Variants in FRY observed in about 807,000 individuals in gnomAD.
The protein encoded by FRY is protein furry homolog.
FRY carries 128 observed loss-of-function variants against 348.4 expected under a neutral mutation model. The observed-to-expected ratio is 0.37, with a 90% CI of 0.32 to 0.43. The LOEUF (loss-of-function observed/expected upper bound fraction) is 0.43, where lower values mean the gene tolerates loss of function less well. Ranked by LOEUF, FRY falls within the 20% of genes least tolerant of loss-of-function variation. The pLI is 1.00. For missense variants in FRY, 2,736 were observed against 3,695.2 expected (o/e 0.74, Z 6.73); for synonymous variants, 1,370 against 1,374.7 (o/e 1.00, Z 0.08).
chr13:32,157,726 C>T (rs992418572), intron 16 of FRY, among the ~76,000 whole-genome samples: 1 of 152,186 alleles, frequency 6.6e-6, no homozygotes, highest in African/African-American at 2.4e-5. Context: ...AGTGACATCC[C>T]AAATTTACAG....
chr13:32,214,132 C>G (rs1378264912), intron 35 of FRY, among the ~76,000 whole-genome samples: 1 of 152,216 alleles, frequency 6.6e-6, no homozygotes, highest in African/African-American at 2.4e-5. Flanking sequence ...CATATAGCAC[C>G]TACACTATTT....
intron 31 of FRY, among the ~76,000 whole-genome samples, chr13:32,207,460 G>T (rs1429670100): frequency 6.6e-6 from 1 of 152,120 alleles, no homozygotes; most frequent in Non-Finnish European, 1.5e-5. Flanking sequence ...TTTCTTAGGG[G>T]CAGGAACTGC....
intron 14 of FRY, among the ~76,000 whole-genome samples, chr13:32,151,418 A>G (rs1196914811): frequency 6.6e-6 from 1 of 152,278 alleles, no homozygotes; most frequent in African/African-American, 2.4e-5. Context: ...GCCCAAAGGC[A>G]TACCCATAAC....
At chr13:32,081,976 A>G (rs1358989679) in intron 2 of FRY, among the ~76,000 whole-genome samples, 4 of 152,220 alleles carry the variant, frequency 2.6e-5, no homozygotes, top group East Asian at 3.8e-4. Flanking sequence ...AAATCACAAA[A>G]TTGTATTCTA....
At chr13:32,188,821 A>G (rs1235482267) in intron 28 of FRY, among the ~76,000 whole-genome samples, 1 of 152,090 alleles carries the variant, frequency 6.6e-6, no homozygotes, top group Non-Finnish European at 1.5e-5. Flanking sequence ...CATTTGTTGA[A>G]AATTTTCATT....
chr13:32,226,178 G>A (rs798964), intron 39 of FRY, among the ~76,000 whole-genome samples: 131,440 of 152,268 alleles, frequency 0.86, 57,230 homozygotes, highest in East Asian at 1. Context: ...TTGAATATTT[G>A]AAATATATTT....
chr13:32,215,846 A>G (rs1420678961), intron 35 of FRY, among the ~76,000 whole-genome samples: 1 of 152,228 alleles, frequency 6.6e-6, no homozygotes, highest in East Asian at 1.9e-4. Context: ...CTGGGATTAC[A>G]GGTATGAGTG....
At chr13:32,098,610 A>G (rs557942144) in intron 2 of FRY, among the ~76,000 whole-genome samples, 1 of 152,146 alleles carries the variant, frequency 6.6e-6, no homozygotes, top group South Asian at 2.1e-4. Flanking sequence ...AAGAAGTGAT[A>G]GTTCAGCTGA....
At chr13:32,238,114 TA>T in intron 44 of FRY, 128 bp downstream of exon 44, 2 of 979,150 alleles carry the variant, frequency 2.0e-6, no homozygotes. Context: ...GGGAGTAGTT[TA>T]TTTTTTCTCA....
intron 39 of FRY, 74 bp from the exon 40 acceptor site, chr13:32,228,382 T>G: frequency 9.2e-7 from 1 of 1,090,788 alleles, no homozygotes; most frequent in South Asian, 1.2e-5. Flanking sequence ...CCTGCCCTCC[T>G]CTGTGGACCT....
intron 18 of FRY, among the ~76,000 whole-genome samples, chr13:32,172,011 G>A (rs1203768406): frequency 2.7e-4 from 1 of 3,686 alleles, no homozygotes; most frequent in African/African-American, 1.0e-3. Flanking sequence ...ATGTGGATGT[G>A]ATATGGATGT....
intron 3 of FRY, among the ~76,000 whole-genome samples, chr13:32,107,051 A>G (rs1226138490): frequency 6.6e-6 from 1 of 152,122 alleles, no homozygotes; most frequent in Non-Finnish European, 1.5e-5. Flanking sequence ...TTACACTCCA[A>G]CTCTGTAAGA....
chr13:32,089,069 T>C (rs575107196), intron 2 of FRY, among the ~76,000 whole-genome samples: 3 of 152,358 alleles, frequency 2.0e-5, no homozygotes, highest in African/African-American at 7.2e-5. Context: ...GTCACTGTGA[T>C]GTAATATTGC....
At chr13:32,273,246 C>T (rs1240618322) in intron 55 of FRY, among the ~76,000 whole-genome samples, 2 of 131,458 alleles carry the variant, frequency 1.5e-5, no homozygotes, top group African/African-American at 6.0e-5. Context: ...TTTTTTGAGA[C>T]GGAGTCTCGC....
At chr13:32,231,480 C>T (rs564990370) in intron 41 of FRY, among the ~76,000 whole-genome samples, 180 bp downstream of exon 41, 2 of 152,272 alleles carry the variant, frequency 1.3e-5, no homozygotes, top group South Asian at 2.1e-4. Context: ...TATTTAATGC[C>T]GTGTATATTT....
chr13:32,211,480 T>C (rs1189463646), intron 34 of FRY, among the ~76,000 whole-genome samples: 2 of 151,940 alleles, frequency 1.3e-5, no homozygotes, highest in African/African-American at 4.8e-5. Context: ...AATAACTGAG[T>C]TTCTTAGGGA....
chr13:32,171,116 T>C lies in FRY; in HGVS notation c.1997T>C (p.Phe666Ser). 1 of 1,613,806 alleles carries C rather than the reference T, an allele frequency of 6.2e-7. No homozygotes were observed. Among genetic ancestry groups the C allele is most frequent in the Non-Finnish European group, 8.5e-7 (1 of 1,179,742 alleles). The change falls in exon 18 of 61, where the codon TTT (phenylalanine) becomes TCT (serine). Residue 666 changes from phenylalanine (F) to serine (S), a missense_variant. This residue lies in a region of FRY where 449 missense variants were observed against 576.9 expected (regional missense o/e 0.78). Transcript: ENST00000542859. Reference sequence around the variant, plus strand: ...TGGAGGGAAGATGTACTATTTGGCTTTACCAACTTCCTGCTCCGGGAAGTA... The same window carrying C: ...TGGAGGGAAGATGTACTATTTGGCTCTACCAACTTCCTGCTCCGGGAAGTA... ...SDWREDVLFG[F>S]TNFLLREVND...
At chr13:32,096,741 G>A (rs1009097245) in intron 2 of FRY, among the ~76,000 whole-genome samples, 2 of 139,754 alleles carry the variant, frequency 1.4e-5, no homozygotes, top group South Asian at 2.3e-4. Context: ...AGGCAGAGGC[G>A]GCAGTGAGCT....
At chr13:32,192,797 G>T (rs115815331) in intron 28 of FRY, among the ~76,000 whole-genome samples, 1 of 143,968 alleles carries the variant, frequency 6.9e-6, no homozygotes, top group South Asian at 2.2e-4. Flanking sequence ...CAGCTGGAGT[G>T]CAGTAGCGCC....
Sources: gnomAD v4.1 joint callset for allele counts (sites outside exome capture counted in the v4.1 genomes callset) on GRCh38, gnomAD v4.1.1 for gene constraint, gnomAD v4.1.1 regional missense constraint, MANE v1.5 for transcripts, NCBI Gene and HGNC (gene_info 2026-07-23, HGNC 2026-07-21) for gene names.